Variants in TMEM126A observed in about 807,000 individuals in gnomAD.
TMEM126A encodes optic atrophy 7.
In TMEM126A, 10 loss-of-function variants were observed where a neutral mutation model predicts 18.3. The ratio of observed to expected loss-of-function variants is 0.55; its 90% confidence interval spans 0.34 to 0.93. The LOEUF (loss-of-function observed/expected upper bound fraction) is 0.93. Among genes scored for constraint, TMEM126A ranks in the 40% least tolerant of loss-of-function variants. The probability of loss-of-function intolerance (pLI) is 0.02; values close to 1 mark genes in which losing one functional copy is unlikely to be tolerated. For missense variants in TMEM126A, 246 were observed against 230.2 expected, an observed-to-expected ratio of 1.07 and a Z score of -0.44; for synonymous variants, 68 against 78.1, an observed-to-expected ratio of 0.87 and a Z score of 0.68.
At position 85,655,708 on chromosome 11, in the gene TMEM126A, G is replaced by C. The variant is rs1565801097; in HGVS notation, c.395G>C (p.Arg132Thr). ...CCTGTAAATGGTGGTCTAGCAGCCA[G>C]GTAGGAAATAAAAAACTTTTTATAA... ...AIPVNGGLAA[R>T]YQSALLPHKG... The change falls in exon 4 of 5, where the codon AGG becomes ACG. Residue 132 changes from arginine (R) to threonine (T), a missense_variant and splice_region_variant. Arg to Thr is a moderately conservative substitution (Grantham distance 71, BLOSUM62 -1). Coordinates refer to ENST00000304511, the MANE Select transcript of TMEM126A (RefSeq NM_032273.4). The C allele has an allele frequency of 6.2e-7, 1 of 1,608,406 alleles. No individual in the cohort carries two copies. The highest frequency in any genetic ancestry group is 8.5e-7 in the Non-Finnish European group (1 of 1,175,022).
chr11:85,654,047 C>A lies in TMEM126A; in HGVS notation c.87-16C>A, dbSNP rs771711045. 6.2e-7 allele frequency: 1 copy of A among 1,614,078 alleles called. No homozygotes were observed. The highest frequency in any genetic ancestry group is 1.7e-5 in the Admixed American group (1 of 60,022). The stretch of plus-strand genomic sequence containing the variant: ...CAATAATGCCAAAGAAAAGTTCTTT[C>A]TTCTCACCCTTTCAGGAATCTACTT... On this transcript the variant is annotated splice_polypyrimidine_tract_variant and intron_variant, in intron 2 of 4. Coordinates refer to ENST00000304511, the MANE Select transcript of TMEM126A (RefSeq NM_032273.4).
chr11:85,651,742 C>T lies in TMEM126A; in HGVS notation c.86+1401C>T, dbSNP rs148910131. 6.4e-4 allele frequency among the ~76,000 whole-genome samples: 98 copies of T among 152,220 alleles called. 1 individual carries two copies. In the South Asian group the frequency reaches 0.019, roughly 30 times the overall value. On this transcript the variant is annotated intron_variant, in intron 2 of 4. Transcript: ENST00000304511. ...AGATCTTAAAAGCTCTTTCACCCCC[C>T]CTCCCCACACTCCAACTCCACTCCC...
In TMEM126A at chr11:85,656,439, G is replaced by C; in HGVS notation, c.526G>C (p.Glu176Gln). 3.1e-6 allele frequency: 5 copies of C among 1,613,252 alleles called. No homozygotes were observed. Among genetic ancestry groups the C allele is most frequent in the Non-Finnish European group, 4.2e-6 (5 of 1,179,602 alleles). Residue 176 changes from glutamate to glutamine, a missense_variant, in exon 5 of 5, where the codon GAA becomes CAA. By Grantham distance (29) the Glu-to-Gln change is conservative (BLOSUM62 2). Coordinates refer to ENST00000304511, the MANE Select transcript of TMEM126A (RefSeq NM_032273.4). ...TATGTTTTCAGCATACCTTGGGTCTGAACAATATAAACTACTTATAAAGGC... is the reference window on the plus strand; with the variant it reads ...TATGTTTTCAGCATACCTTGGGTCTCAACAATATAAACTACTTATAAAGGC... ...QTMFSAYLGS[E>Q]QYKLLIKALQ...
Position 85,656,377 on chromosome 11 carries a change from T to A in TMEM126A, c.464T>A (p.Val155Asp). ...LSYWIRTSKP[V>D]FRKMLFPILL... ...TACTGGATTAGAACTTCTAAGCCTGTCTTTAGAAAGATGTTATTTCCTATT... is the reference window on the plus strand; with the variant it reads ...TACTGGATTAGAACTTCTAAGCCTGACTTTAGAAAGATGTTATTTCCTATT... The change falls in exon 5 of 5, where the codon GTC (valine) becomes GAC (aspartate). Residue 155 changes from valine (V) to aspartate (D), a missense_variant. By Grantham distance (152) the Val-to-Asp change is radical (BLOSUM62 -3). Transcript: ENST00000304511. 1.2e-6 allele frequency: 2 copies of A among 1,613,096 alleles called. No homozygotes were observed. Among genetic ancestry groups the A allele is most frequent in the Non-Finnish European group, 1.7e-6 (2 of 1,179,588 alleles).
Position 85,656,405 on chromosome 11 carries a change from G to C in TMEM126A, c.492G>C (p.Leu164Phe), listed in dbSNP as rs140123526. The change falls in exon 5 of 5, where the codon TTG becomes TTC. Residue 164 changes from leucine (L) to phenylalanine (F), a missense_variant. Leu to Phe is a conservative substitution (Grantham distance 22). Coordinates refer to ENST00000304511, the MANE Select transcript of TMEM126A (RefSeq NM_032273.4). ...TTAGAAAGATGTTATTTCCTATTTT[G>C]CTCCAGACTATGTTTTCAGCATACC... ...PVFRKMLFPI[L>F]LQTMFSAYLG... is the part of the protein sequence containing the mutation. The C allele has an allele frequency of 2.5e-6, 4 of 1,613,154 alleles. No individual in the cohort carries two copies. The highest frequency in any genetic ancestry group is 2.5e-6 in the Non-Finnish European group (3 of 1,179,554).
At chr11:85,653,010 A>G (rs2082512433) in intron 2 of TMEM126A, among the ~76,000 whole-genome samples, 1 of 151,968 alleles carries the variant, frequency 6.6e-6, no homozygotes, top group South Asian at 2.1e-4. Flanking sequence ...CCAGACTGTC[A>G]TCACTAATTA....
intron 2 of TMEM126A, among the ~76,000 whole-genome samples, chr11:85,652,199 A>G (rs980733779): frequency 2.0e-5 from 3 of 152,342 alleles, no homozygotes; most frequent in African/African-American, 7.2e-5. Flanking sequence ...AAGAGAAGAA[A>G]GCAGTCTGTC....
intron 4 of TMEM126A, among the ~76,000 whole-genome samples, chr11:85,656,075 T>C (rs2082535900): frequency 6.6e-6 from 1 of 152,206 alleles, no homozygotes; most frequent in Admixed American, 6.5e-5. Context: ...TAGCCTTCTA[T>C]TCTAAAATAA....
intron 2 of TMEM126A, among the ~76,000 whole-genome samples, chr11:85,650,667 T>C (rs940965067): frequency 3.9e-5 from 6 of 152,212 alleles, no homozygotes; most frequent in East Asian, 1.9e-4. Flanking sequence ...GTCTTTTTTT[T>C]CCCAGTTCAT....
At chr11:85,649,368 G>C (rs553246247) in intron 1 of TMEM126A, among the ~76,000 whole-genome samples, 15 of 152,306 alleles carry the variant, frequency 9.8e-5, no homozygotes, top group Admixed American at 7.2e-4. Context: ...CCTATAGCTT[G>C]CCTTGGTACA....
chr11:85,653,233 A>C (rs926326565), intron 2 of TMEM126A, among the ~76,000 whole-genome samples: 1 of 152,204 alleles, frequency 6.6e-6, no homozygotes, highest in Non-Finnish European at 1.5e-5. Flanking sequence ...TCATGATTGC[A>C]AAGTGTCAGA....
At position 85,654,046 on chromosome 11, in the gene TMEM126A, T is replaced by C; in HGVS notation, c.87-17T>C. 1 of 1,614,184 alleles carries C rather than the reference T, an allele frequency of 6.2e-7. No individual in the cohort carries two copies. Among genetic ancestry groups the C allele is most frequent in the Non-Finnish European group, 8.5e-7 (1 of 1,180,012 alleles). On this transcript the variant is annotated splice_polypyrimidine_tract_variant and intron_variant, in intron 2 of 4. Coordinates refer to ENST00000304511, the MANE Select transcript of TMEM126A (RefSeq NM_032273.4). ...ACAATAATGCCAAAGAAAAGTTCTT[T>C]CTTCTCACCCTTTCAGGAATCTACT...
At chr11:85,648,990 A>G (rs2082481233) in intron 1 of TMEM126A, among the ~76,000 whole-genome samples, 1 of 143,380 alleles carries the variant, frequency 7.0e-6, no homozygotes, top group African/African-American at 2.7e-5. Context: ...GCTGGAGTGC[A>G]GTGGCGAGAT....
intron 3 of TMEM126A, among the ~76,000 whole-genome samples, chr11:85,654,855 A>T (rs1236481451): frequency 6.7e-6 from 1 of 150,182 alleles, no homozygotes; most frequent in Non-Finnish European, 1.5e-5. Flanking sequence ...ATATATGGAA[A>T]TATTATATAT....
Position 85,654,142 on chromosome 11 carries a change from C to T in TMEM126A, c.166C>T (p.Arg56Cys), listed in dbSNP as rs149739249. The change falls in exon 3 of 5, where the codon CGC (arginine) becomes TGC (cysteine). Residue 56 changes from arginine to cysteine, a missense_variant. Coordinates refer to ENST00000304511, the MANE Select transcript of TMEM126A (RefSeq NM_032273.4). Reference sequence around the variant, plus strand: ...CCTCATAGCAAACAGTCTTTTTCGACGCATCTTGAATGTGACAAAGGCTCG... The same window carrying T: ...CCTCATAGCAAACAGTCTTTTTCGATGCATCTTGAATGTGACAAAGGCTCG... ...CGLIANSLFR[R>C]ILNVTKARIA... is the part of the protein sequence containing the mutation. The T allele has an allele frequency of 8.1e-6, 13 of 1,614,022 alleles. No homozygotes were observed. Among genetic ancestry groups the T allele is most frequent in the East Asian group, 4.5e-5 (2 of 44,890 alleles).
intron 2 of TMEM126A, among the ~76,000 whole-genome samples, chr11:85,651,429 T>C (rs1179733047): frequency 1.3e-5 from 2 of 152,096 alleles, no homozygotes; most frequent in East Asian, 3.9e-4. Flanking sequence ...GGAAAGCAGA[T>C]TTGAGGTAGG....
intron 1 of TMEM126A, among the ~76,000 whole-genome samples, chr11:85,648,414 G>A (rs2082476439): frequency 6.6e-6 from 1 of 152,130 alleles, no homozygotes; most frequent in Non-Finnish European, 1.5e-5. Context: ...ATCTCTCAGA[G>A]CTCTTCCAAG....
intron 3 of TMEM126A, 60 bp from the exon 4 acceptor site, chr11:85,655,534 T>G (rs1368448229): frequency 8.0e-7 from 1 of 1,244,826 alleles, no homozygotes; most frequent in East Asian, 2.3e-5. Flanking sequence ...TCTTACATTC[T>G]TTAAATCATG....
chr11:85,651,264 G>A (rs920722869), intron 2 of TMEM126A, among the ~76,000 whole-genome samples: 6 of 152,000 alleles, frequency 3.9e-5, no homozygotes, highest in Non-Finnish European at 8.8e-5. Context: ...TTAAGTAGAG[G>A]GAATGGCATA....
Sources: allele counts gnomAD v4.1 joint callset (sites outside exome capture counted in the v4.1 genomes callset), GRCh38; gene constraint gnomAD v4.1.1; transcripts MANE v1.5; gene names NCBI Gene and HGNC (gene_info 2026-07-23, HGNC 2026-07-21).